NLGN1: variants seen among roughly 807,000 people sequenced by gnomAD.
NLGN1 encodes neuroligin 1, also known as neuroligin-1.
A neutral mutation model predicts 65.5 loss-of-function variants in NLGN1; 12 were observed. That is an observed-to-expected ratio of 0.18 (90% CI 0.12 to 0.30). The LOEUF is 0.30. Among genes scored for constraint, NLGN1 ranks in the 10% least tolerant of loss-of-function variants. NLGN1 has a pLI of 1.00. For missense variants in NLGN1, 750 were observed against 1,007.1 expected (o/e 0.74, Z 3.46); for synonymous variants, 350 against 359.5 (o/e 0.97, Z 0.30).
intron 4 of NLGN1, among the ~76,000 whole-genome samples, chr3:173,893,318 C>A (rs558197917): frequency 6.6e-6 from 1 of 152,212 alleles, no homozygotes; most frequent in East Asian, 1.9e-4. Context: ...AGTTCAGTCA[C>A]CGAGGTTTAG....
chr3:173,772,983 T>G (rs1379802607), intron 3 of NLGN1, among the ~76,000 whole-genome samples: 1 of 152,210 alleles, frequency 6.6e-6, no homozygotes, highest in Non-Finnish European at 1.5e-5. Context: ...GGGTTAGATT[T>G]TCTTTTCAAA....
chr3:174,070,997 A>G (rs1348844767), intron 4 of NLGN1, among the ~76,000 whole-genome samples: 2 of 152,024 alleles, frequency 1.3e-5, no homozygotes, highest in Non-Finnish European at 2.9e-5. Flanking sequence ...CAAGGCTGCA[A>G]TGAGTCATGA....
chr3:173,589,253 T>C (rs1021357835), intron 2 of NLGN1, among the ~76,000 whole-genome samples: 4 of 152,214 alleles, frequency 2.6e-5, no homozygotes, highest in Non-Finnish European at 4.4e-5. Context: ...AGCTACGCTT[T>C]ATGTACATAA....
chr3:174,228,005 G>C (rs188989252), intron 4 of NLGN1, among the ~76,000 whole-genome samples: 12 of 151,838 alleles, frequency 7.9e-5, no homozygotes, highest in Non-Finnish European at 5.9e-5. Flanking sequence ...CATATTCTTA[G>C]GAAAATTTGT....
At chr3:173,775,054 A>G (rs911903796) in intron 3 of NLGN1, among the ~76,000 whole-genome samples, 4 of 152,184 alleles carry the variant, frequency 2.6e-5, no homozygotes, top group Non-Finnish European at 4.4e-5. Flanking sequence ...TTATGCAATT[A>G]TAGTCAATAA....
intron 2 of NLGN1, among the ~76,000 whole-genome samples, chr3:173,483,850 T>G (rs1397482157): frequency 1.3e-5 from 2 of 152,160 alleles, no homozygotes; most frequent in African/African-American, 4.8e-5. Flanking sequence ...ACTATCACTG[T>G]TCCTTTGAAC....
chr3:173,644,200 G>A, intron 3 of NLGN1: 1 of 152,602 alleles, frequency 6.6e-6, no homozygotes, highest in Middle Eastern at 3.4e-3. Flanking sequence ...AGATCCCAGG[G>A]CTAAACAAGG....
chr3:173,691,590 A>G (rs908222792), intron 3 of NLGN1, among the ~76,000 whole-genome samples: 3 of 152,094 alleles, frequency 2.0e-5, no homozygotes, highest in Admixed American at 6.6e-5. Context: ...TTATAACCCA[A>G]ATATCAACTC....
chr3:173,874,009 A>G (rs988031550), intron 4 of NLGN1, among the ~76,000 whole-genome samples: 1 of 152,228 alleles, frequency 6.6e-6, no homozygotes. Context: ...ATGTGAGGAC[A>G]CAGTGGGACG....
intron 4 of NLGN1, among the ~76,000 whole-genome samples, chr3:173,961,333 T>TAC (rs1713517294): frequency 1.3e-5 from 2 of 152,138 alleles, no homozygotes; most frequent in East Asian, 3.9e-4. Context: ...ACCCAGAACA[T>TAC]ACGCTGAGGA....
At chr3:174,053,889 T>C (rs1735465274) in intron 4 of NLGN1, among the ~76,000 whole-genome samples, 1 of 151,992 alleles carries the variant, frequency 6.6e-6, no homozygotes, top group Non-Finnish European at 1.5e-5. Context: ...TTCCCTATAT[T>C]GAAAACTCTG....
At chr3:173,439,347 G>A (rs193213145) in intron 2 of NLGN1, among the ~76,000 whole-genome samples, 55 of 152,190 alleles carry the variant, frequency 3.6e-4, no homozygotes, top group African/African-American at 1.3e-3. Context: ...ATGAATGGGA[G>A]CCAAATAAGA....
At chr3:173,724,029 T>C (rs1771333073) in intron 3 of NLGN1, among the ~76,000 whole-genome samples, 1 of 152,180 alleles carries the variant, frequency 6.6e-6, no homozygotes, top group Admixed American at 6.5e-5. Context: ...TTGGGAAGAC[T>C]GCGCACAGAT....
At chr3:173,928,718 C>T (rs1195668496) in intron 4 of NLGN1, among the ~76,000 whole-genome samples, 1 of 146,362 alleles carries the variant, frequency 6.8e-6, no homozygotes. Context: ...GTTGCCCAGG[C>T]TGGAGTACAA....
chr3:174,265,823 A>G (rs974609482), intron 4 of NLGN1, among the ~76,000 whole-genome samples: 1 of 146,494 alleles, frequency 6.8e-6, no homozygotes, highest in African/African-American at 2.5e-5. Context: ...TTTATACAAC[A>G]TCTATATATA....
At chr3:173,723,358 A>G (rs1409149228) in intron 3 of NLGN1, among the ~76,000 whole-genome samples, 1 of 152,192 alleles carries the variant, frequency 6.6e-6, no homozygotes, top group African/African-American at 2.4e-5. Context: ...AATACTTTCT[A>G]ATCACATAGA....
chr3:173,959,500 A>G (rs1713012907), intron 4 of NLGN1, among the ~76,000 whole-genome samples: 2 of 152,206 alleles, frequency 1.3e-5, no homozygotes, highest in South Asian at 2.1e-4. Flanking sequence ...CTTGTACCCT[A>G]ACTTTCAAAT....
Position 173,509,213 on chromosome 3 carries a change from A to G in NLGN1, c.-321+74135A>G, listed in dbSNP as rs542459181. 7.7e-4 allele frequency among the ~76,000 whole-genome samples: 117 copies of G among 152,316 alleles called. 2 individuals carry two copies. The South Asian group carries it at 0.023, about 30-fold the overall frequency. On this transcript the variant is annotated intron_variant, in intron 2 of 6. Coordinates refer to ENST00000457714, the Ensembl canonical transcript of NLGN1. ...AGTAAAATTCTAACATAACCTATTCAGCTCTAAGTCAAAACTTGATGCTAC... is the reference window on the plus strand; with the variant it reads ...AGTAAAATTCTAACATAACCTATTCGGCTCTAAGTCAAAACTTGATGCTAC...
At chr3:173,909,225 T>TA (rs200714369) in intron 4 of NLGN1, among the ~76,000 whole-genome samples, 216 of 150,820 alleles carry the variant, frequency 1.4e-3, no homozygotes, top group East Asian at 8.4e-3. Context: ...TCAGTTAAGA[T>TA]AAAAAAAAAG....
Sources: allele counts gnomAD v4.1 joint callset (sites outside exome capture counted in the v4.1 genomes callset), GRCh38; gene constraint gnomAD v4.1.1; transcripts MANE v1.5; gene names NCBI Gene and HGNC (gene_info 2026-07-23, HGNC 2026-07-21).